The following DIAPH2 variants were observed in gnomAD, a reference collection of about 807,000 sequenced individuals.
DIAPH2 encodes the protein diaphanous related formin 2.
A neutral mutation model predicts 92.7 loss-of-function variants in DIAPH2; 35 were observed. That is an observed-to-expected ratio of 0.38 (90% CI 0.29 to 0.50). The LOEUF (loss-of-function observed/expected upper bound fraction) is 0.50, where lower values mean the gene tolerates loss of function less well. Ranked by LOEUF, DIAPH2 falls within the 20% of genes least tolerant of loss-of-function variation. The probability of loss-of-function intolerance (pLI) is 0.94; values close to 1 mark genes in which losing one functional copy is unlikely to be tolerated. For missense variants in DIAPH2, 701 were observed against 819.5 expected, an observed-to-expected ratio of 0.86 and a Z score of 1.77; for synonymous variants, 301 against 280.4, an observed-to-expected ratio of 1.07 and a Z score of -0.73.
chrX:97,200,712 G>A (rs1046859672), intron 22 of DIAPH2, among the ~76,000 whole-genome samples: 1 of 111,818 alleles, frequency 8.9e-6, no homozygotes, highest in Non-Finnish European at 1.9e-5. Context: ...GTGGGGAGGG[G>A]CAGCTGCAGG....
At chrX:97,357,336 T>C (rs2069276934) in intron 24 of DIAPH2, among the ~76,000 whole-genome samples, 1 of 111,682 alleles carries the variant, frequency 9.0e-6, no homozygotes, top group African/African-American at 3.3e-5. Context: ...CATCCTGTTT[T>C]GTTTGTCCAT....
At chrX:97,152,581 C>T (rs1045657382) in intron 22 of DIAPH2, among the ~76,000 whole-genome samples, 12 of 111,828 alleles carry the variant, frequency 1.1e-4, no homozygotes, top group Non-Finnish European at 2.3e-4. Context: ...GCTCTGTCAT[C>T]CCATGGCGGA....
intron 3 of DIAPH2, among the ~76,000 whole-genome samples, chrX:96,743,160 C>T (rs2064130214): frequency 9.0e-6 from 1 of 111,325 alleles, no homozygotes; most frequent in Non-Finnish European, 1.9e-5. Context: ...CAACTTTGTG[C>T]CACATTTTCT....
rs1168007064 is a variant in DIAPH2 at position 97,185,437 on chromosome X, GTA to G, written c.2719+43653_2719+43654del. ...TATATATATATGTATATATATATGT[GTA>G]TATATATATGTGTGTGTATATATAT... On this transcript the variant is annotated intron_variant, in intron 22 of 26. Transcript: ENST00000324765. Among the ~76,000 whole-genome samples the G allele has an allele frequency of 2.0e-4, 8 of 40,519 alleles. 1 individual carries two copies. Among genetic ancestry groups the G allele is most frequent in the East Asian group, 6.4e-4 (1 of 1,554 alleles). 35.2% of individuals were successfully genotyped at this position (40,519 alleles called of 115,157 possible). A position where few individuals can be genotyped will look rare whatever the true frequency, so the allele number is the denominator to read the frequency against.
At chrX:96,975,795 T>A (rs2065956427) in intron 17 of DIAPH2, among the ~76,000 whole-genome samples, 1 of 111,089 alleles carries the variant, frequency 9.0e-6, no homozygotes, top group Non-Finnish European at 1.9e-5. Flanking sequence ...AGTGGTGAGC[T>A]GTCTTTCTGA....
At chrX:96,968,810 G>A (rs1368541076) in intron 17 of DIAPH2, among the ~76,000 whole-genome samples, 1 of 112,112 alleles carries the variant, frequency 8.9e-6, no homozygotes, top group East Asian at 2.8e-4. Flanking sequence ...CAAGGCAGAT[G>A]TCCAGAATGG....
At chrX:97,586,050 C>A (rs1389229604) in intron 26 of DIAPH2, among the ~76,000 whole-genome samples, 1 of 111,673 alleles carries the variant, frequency 9.0e-6, no homozygotes, top group Non-Finnish European at 1.9e-5. Flanking sequence ...TGATCATTAG[C>A]CCACTGCTTT....
Position 97,099,744 on chromosome X carries a change from G to A in DIAPH2, c.2298G>A (p.Glu766=), listed in dbSNP as rs755721481. The A allele has an allele frequency of 9.3e-6, 11 of 1,180,950 alleles. No individual in the cohort carries two copies. In the East Asian group the frequency reaches 3.1e-4, roughly 34 times the overall value. The part of the protein sequence containing the change: ...PEQKILNELA[E]LKNEYDDLCE... ...AGAAGATACTCAACGAATTAGCAGAGCTTAAGAATGAATATGATGACCTCT... is the reference window on the plus strand; with the variant it reads ...AGAAGATACTCAACGAATTAGCAGAACTTAAGAATGAATATGATGACCTCT... Residue 766 remains glutamate, a synonymous_variant, in exon 20 of 27, where the codon GAG becomes GAA. Transcript: ENST00000324765.
intron 23 of DIAPH2, among the ~76,000 whole-genome samples, chrX:97,343,396 T>C (rs773222102): frequency 2.7e-5 from 3 of 111,766 alleles, no homozygotes; most frequent in Non-Finnish European, 5.7e-5. Flanking sequence ...AATCCAGGCA[T>C]GGTGGCTCAC....
rs977275721 is a variant in DIAPH2 at position 96,744,423 on chromosome X, A to G, written c.342+5661A>G. 5.3e-5 allele frequency among the ~76,000 whole-genome samples: 6 copies of G among 112,515 alleles called. No homozygotes were observed. In the South Asian group the frequency reaches 1.8e-3, roughly 34 times the overall value. Reference sequence around the variant, plus strand: ...AGCCGAAACTTAAATTTAGGTACATAAAAATCTAAAACATTGACTTTTTGT... The same window carrying G: ...AGCCGAAACTTAAATTTAGGTACATGAAAATCTAAAACATTGACTTTTTGT... On this transcript the variant is annotated intron_variant, in intron 3 of 26. Coordinates refer to ENST00000324765, the MANE Select transcript of DIAPH2 (RefSeq NM_006729.5).
Position 97,064,361 on chromosome X carries a change from A to T in DIAPH2, c.2051-8580A>T, listed in dbSNP as rs758308614. Among the ~76,000 whole-genome samples the T allele has an allele frequency of 8.1e-5, 9 of 110,915 alleles. No individual in the cohort carries two copies. The East Asian group carries it at 2.6e-3, about 32-fold the overall frequency. Reference sequence around the variant, plus strand: ...CCTCTTGCCTATGCCTTCTGTGAGCATATAGCTCCACTCTACACAACCATT... The same window carrying T: ...CCTCTTGCCTATGCCTTCTGTGAGCTTATAGCTCCACTCTACACAACCATT... On this transcript the variant is annotated intron_variant, in intron 17 of 26. Coordinates refer to ENST00000324765, the MANE Select transcript of DIAPH2 (RefSeq NM_006729.5).
In DIAPH2 at chrX:96,751,854, C is replaced by T. The variant is rs181635781; in HGVS notation, c.343-6300C>T. 8.0e-4 allele frequency among the ~76,000 whole-genome samples: 77 copies of T among 96,240 alleles called. No individual in the cohort carries two copies. The East Asian group carries it at 0.024, about 30-fold the overall frequency. 83.6% of individuals were successfully genotyped at this position (96,240 alleles called of 115,157 possible). A position where few individuals can be genotyped will look rare whatever the true frequency, so the allele number is the denominator to read the frequency against. The stretch of plus-strand genomic sequence containing the variant: ...ATTTTTAGTAGAGACAGGGTTTCAC[C>T]GTTTTAGCCGGGATGGTCTCGATCT... On this transcript the variant is annotated intron_variant, in intron 3 of 26. Coordinates refer to ENST00000324765, the MANE Select transcript of DIAPH2 (RefSeq NM_006729.5).
intron 23 of DIAPH2, among the ~76,000 whole-genome samples, chrX:97,283,201 T>C (rs1334818111): frequency 8.9e-6 from 1 of 112,020 alleles, no homozygotes; most frequent in Non-Finnish European, 1.9e-5. Context: ...GATAAGAATA[T>C]ACTTGCTTTG....
intron 17 of DIAPH2, among the ~76,000 whole-genome samples, chrX:97,036,658 T>C (rs2066412601): frequency 8.9e-6 from 1 of 111,848 alleles, no homozygotes; most frequent in Non-Finnish European, 1.9e-5. Context: ...GAAGTGACCA[T>C]CATTCTCTCT....
intron 24 of DIAPH2, among the ~76,000 whole-genome samples, chrX:97,350,499 A>G (rs1429306815): frequency 9.0e-6 from 1 of 110,888 alleles, no homozygotes; most frequent in South Asian, 3.9e-4. Flanking sequence ...GCCTGTGTGT[A>G]CTCATATTAG....
intron 17 of DIAPH2, among the ~76,000 whole-genome samples, chrX:96,973,301 C>T (rs2065938836): frequency 9.0e-6 from 1 of 111,507 alleles, no homozygotes; most frequent in Non-Finnish European, 1.9e-5. Context: ...ACTTTGAGAC[C>T]AGCCTGGGCA....
intron 17 of DIAPH2, among the ~76,000 whole-genome samples, chrX:97,047,541 G>C (rs1017363065): frequency 1.6e-5 from 1 of 62,372 alleles, no homozygotes; most frequent in African/African-American, 8.2e-5. Context: ...GATAAAATAG[G>C]CTTTTTTTTT....
At chrX:97,284,147 C>T (rs1313621616) in intron 23 of DIAPH2, among the ~76,000 whole-genome samples, 1 of 111,277 alleles carries the variant, frequency 9.0e-6, no homozygotes, top group Non-Finnish European at 1.9e-5. Flanking sequence ...TATTTACCAA[C>T]TTGTATGAAA....
chrX:97,406,986 ATAAT>A (rs887311742), intron 25 of DIAPH2, among the ~76,000 whole-genome samples: 245 of 111,956 alleles, frequency 2.2e-3, no homozygotes, highest in African/African-American at 7.7e-3. Context: ...AAGAGTAAAA[ATAAT>A]TAAGAATATT....
Sources: allele counts gnomAD v4.1 joint callset (sites outside exome capture counted in the v4.1 genomes callset), GRCh38; gene constraint gnomAD v4.1.1; transcripts MANE v1.5; gene names NCBI Gene and HGNC (gene_info 2026-07-23, HGNC 2026-07-21).